SMCHD1: variants seen among roughly 807,000 people sequenced by gnomAD.
The protein encoded by SMCHD1 is structural maintenance of chromosomes flexible hinge domain-containing protein 1.
A neutral mutation model predicts 254.7 loss-of-function variants in SMCHD1; 78 were observed. That is an observed-to-expected ratio of 0.31 (90% confidence interval 0.26 to 0.37). The LOEUF (loss-of-function observed/expected upper bound fraction) is 0.37, where lower values mean the gene tolerates loss of function less well. Ranked by LOEUF, SMCHD1 falls within the 10% of genes least tolerant of loss-of-function variation. SMCHD1 has a pLI of 1.00. For missense variants in SMCHD1, 1,840 were observed against 2,408.1 expected (o/e 0.76, Z 4.94); for synonymous variants, 766 against 794.9 (o/e 0.96, Z 0.61).
At chr18:2,752,676 C>G (rs975343134) in intron 34 of SMCHD1, 124 bp downstream of exon 34, 3 of 632,758 alleles carry the variant, frequency 4.7e-6, no homozygotes, top group African/African-American at 3.8e-5. Context: ...GTTAGTGTCT[C>G]TAAATTTTTC....
At chr18:2,760,612 A>T (rs781215043) in intron 34 of SMCHD1, 40 bp from the exon 35 acceptor site, 1 of 1,132,042 alleles carries the variant, frequency 8.8e-7, no homozygotes, top group South Asian at 1.3e-5. Flanking sequence ...CCCCCTTTAT[A>T]CAAACATTGT....
In SMCHD1 at chr18:2,768,455, CT is replaced by C. The variant is rs1211949589; in HGVS notation, c.4720-1235del. On this transcript the variant is annotated intron_variant, in intron 37 of 47. Transcript: ENST00000320876. ...CTTATAAGGGAAATTTGATACTTACCTTTTAAAATAAACTTATACTTCTCAT... is the reference window on the plus strand; with the variant it reads ...CTTATAAGGGAAATTTGATACTTACCTTTAAAATAAACTTATACTTCTCAT... Among the ~76,000 whole-genome samples the C allele has an allele frequency of 3.3e-5, 5 of 152,062 alleles. No individual in the cohort carries two copies. In the South Asian group the frequency reaches 1.0e-3, roughly 32 times the overall value.
intron 5 of SMCHD1, among the ~76,000 whole-genome samples, chr18:2,687,718 G>C (rs1206515792): frequency 3.3e-5 from 5 of 152,076 alleles, no homozygotes. Flanking sequence ...ACGCCACTTT[G>C]ATATTTTCAG....
chr18:2,775,898 CAAG>C lies in SMCHD1; in HGVS notation c.5345_5347del (p.Lys1782del). On this transcript the variant is annotated inframe_deletion, in exon 42 of 48. Transcript: ENST00000320876. ...AGGTGTTGCCCCTTGATTCTATTTA[CAAG>C]AAGACTCTTCCAGATTGGAAAAGGT... 1 of 1,598,944 alleles carries C rather than the reference CAAG, an allele frequency of 6.3e-7. No homozygotes were observed. Among genetic ancestry groups the C allele is most frequent in the Non-Finnish European group, 8.5e-7 (1 of 1,174,998 alleles).
intron 5 of SMCHD1, among the ~76,000 whole-genome samples, chr18:2,677,149 A>G (rs1265406488): frequency 1.4e-5 from 1 of 69,328 alleles, no homozygotes; most frequent in Non-Finnish European, 4.2e-5. Flanking sequence ...TATTATGAAC[A>G]TTTAAAAACA....
chr18:2,736,560 C>T (rs190578509), intron 25 of SMCHD1, among the ~76,000 whole-genome samples: 39 of 152,140 alleles, frequency 2.6e-4, no homozygotes, highest in African/African-American at 8.9e-4. Context: ...AAGCAAAAAA[C>T]AACCCCATTT....
At chr18:2,678,620 G>T (rs2073832784) in intron 5 of SMCHD1, among the ~76,000 whole-genome samples, 1 of 151,734 alleles carries the variant, frequency 6.6e-6, no homozygotes. Flanking sequence ...CGCCTGGCTT[G>T]TCTTTTCTAA....
At chr18:2,709,511 C>T (rs2074619758) in intron 17 of SMCHD1, among the ~76,000 whole-genome samples, 1 of 152,082 alleles carries the variant, frequency 6.6e-6, no homozygotes, top group African/African-American at 2.4e-5. Context: ...CCAGTTTCTC[C>T]ATGTCACCCC....
intron 45 of SMCHD1, among the ~76,000 whole-genome samples, chr18:2,794,911 C>T (rs1276921527): frequency 2.0e-5 from 3 of 152,028 alleles, no homozygotes; most frequent in African/African-American, 7.2e-5. Flanking sequence ...ATATACTGTT[C>T]TGTGGTGGAA....
Position 2,656,260 on chromosome 18 carries a change from A to G in SMCHD1, c.185A>G (p.Gln62Arg). 6.7e-7 allele frequency: 1 copy of G among 1,488,702 alleles called. No homozygotes were observed. Among genetic ancestry groups the G allele is most frequent in the South Asian group, 1.4e-5 (1 of 73,702 alleles). The allele number at this position is 1,488,702 out of a possible 1,614,324, so 92.2% of individuals were successfully genotyped here. A position where few individuals can be genotyped will look rare whatever the true frequency, so the allele number is the denominator to read the frequency against. ...GCGGGATTTCGCGCGTGTGTGTGTCAGGTACGCGAAGGGGCGAGGAAGGGA... is the reference window on the plus strand; with the variant it reads ...GCGGGATTTCGCGCGTGTGTGTGTCGGGTACGCGAAGGGGCGAGGAAGGGA... ...DYAGFRACVC[Q>R]TLGISPEEKF... is the part of the protein sequence containing the mutation. The change falls in exon 1 of 48, where the codon CAG (glutamine) becomes CGG (arginine). Residue 62 changes from glutamine (Q) to arginine (R), a missense_variant and splice_region_variant. By Grantham distance (43) the Gln-to-Arg change is conservative. Around this residue, in one of 9 missense-constraint regions of SMCHD1, gnomAD observed 115 missense variants for 99.1 expected, o/e 1.16. Transcript: ENST00000320876.
At chr18:2,688,010 C>A (rs2074091226) in intron 5 of SMCHD1, among the ~76,000 whole-genome samples, 1 of 152,170 alleles carries the variant, frequency 6.6e-6, no homozygotes, top group Non-Finnish European at 1.5e-5. Flanking sequence ...GTGAGACTCT[C>A]CTTTGCTCTA....
At chr18:2,656,326 C>G (rs1462498684) in intron 1 of SMCHD1, 65 bp downstream of exon 1, 2 of 1,341,128 alleles carry the variant, frequency 1.5e-6, no homozygotes, top group East Asian at 2.9e-5. Context: ...ATGAGAAACT[C>G]AACTTGCTCA....
At position 2,802,492 on chromosome 18, in the gene SMCHD1, G is replaced by A. The variant is rs758122598; in HGVS notation, c.5994-36G>A. The stretch of plus-strand genomic sequence containing the variant: ...GGAATTCAGGGAAAGGAAACCTTTG[G>A]TACATAAAACTTTTTTTTCTTTCCC... On this transcript the variant is annotated intron_variant, in intron 47 of 47. Coordinates refer to ENST00000320876, the MANE Select transcript of SMCHD1 (RefSeq NM_015295.3). 67 of 1,531,550 alleles carry A rather than the reference G, an allele frequency of 4.4e-5. 2 individuals are homozygous for A. The South Asian group carries it at 7.1e-4, about 16-fold the overall frequency. 94.9% of individuals were successfully genotyped at this position (1,531,550 alleles called of 1,614,324 possible).
At chr18:2,764,309 T>A (rs368345294) in intron 37 of SMCHD1, among the ~76,000 whole-genome samples, 1 of 152,186 alleles carries the variant, frequency 6.6e-6, no homozygotes, top group Non-Finnish European at 1.5e-5. Flanking sequence ...CTGCATACCA[T>A]GTGTGTATAT....
At chr18:2,658,267 C>T (rs1427629252) in intron 1 of SMCHD1, among the ~76,000 whole-genome samples, 1 of 152,174 alleles carries the variant, frequency 6.6e-6, no homozygotes, top group Admixed American at 6.5e-5. Flanking sequence ...ATTTCCCTCT[C>T]GTGAGATGTC....
In SMCHD1 at chr18:2,732,461, A is replaced by G. The variant is rs756368420; in HGVS notation, c.3245A>G (p.Asn1082Ser). The stretch of plus-strand genomic sequence containing the variant: ...TATGATGAAGGAGAAAGAGAAATCA[A>G]TATAACATCAGCTTTAGCAGAAAAA... ...QMYDEGEREI[N>S]ITSALAEKIK... The change falls in exon 25 of 48, where the codon AAT becomes AGT. Residue 1082 changes from asparagine to serine, a missense_variant. Asn to Ser is a conservative substitution (Grantham distance 46). Transcript: ENST00000320876. 8.1e-6 allele frequency: 13 copies of G among 1,607,866 alleles called. No individual in the cohort carries two copies. In the East Asian group the frequency reaches 1.1e-4, roughly 14 times the overall value.
At chr18:2,753,756 A>C (rs529048231) in intron 34 of SMCHD1, among the ~76,000 whole-genome samples, 1 of 152,116 alleles carries the variant, frequency 6.6e-6, no homozygotes, top group East Asian at 1.9e-4. Context: ...GGGTTTCACC[A>C]AGTTGCTCTG....
intron 35 of SMCHD1, among the ~76,000 whole-genome samples, chr18:2,761,686 C>T (rs116341637): frequency 0.027 from 4,067 of 152,046 alleles, 70 homozygotes; most frequent in Middle Eastern, 0.11. Context: ...GCGTGGTGGG[C>T]GCACACCTGT....
chr18:2,669,230 G>A (rs927956036), intron 3 of SMCHD1, among the ~76,000 whole-genome samples: 1 of 152,068 alleles, frequency 6.6e-6, no homozygotes, highest in Non-Finnish European at 1.5e-5. Flanking sequence ...GCCTTGTTTA[G>A]CTACTTGGGA....
Sources: gnomAD v4.1 joint callset for allele counts (sites outside exome capture counted in the v4.1 genomes callset) on GRCh38, gnomAD v4.1.1 for gene constraint, gnomAD v4.1.1 regional missense constraint, MANE v1.5 for transcripts, NCBI Gene and HGNC (gene_info 2026-07-23, HGNC 2026-07-21) for gene names.